Variants in ARHGAP31 observed in about 807,000 individuals in gnomAD.
ARHGAP31 encodes Rho GTPase activating protein 31, also known as rho GTPase-activating protein 31.
A neutral mutation model predicts 113.9 loss-of-function variants in ARHGAP31; 34 were observed. The observed-to-expected ratio is 0.30, with a 90% CI of 0.23 to 0.40. ARHGAP31 has a LOEUF of 0.40. ARHGAP31 is among the 10% of genes least tolerant of loss of function. ARHGAP31 has a pLI of 1.00. For missense variants in ARHGAP31, 1,548 were observed against 1,767.1 expected, an observed-to-expected ratio of 0.88 and a Z score of 2.22; for synonymous variants, 650 against 684.8, an observed-to-expected ratio of 0.95 and a Z score of 0.79.
At chr3:119,363,620 G>T (rs1255274294) in intron 1 of ARHGAP31, among the ~76,000 whole-genome samples, 1 of 152,120 alleles carries the variant, frequency 6.6e-6, no homozygotes, top group East Asian at 1.9e-4. Context: ...AGGCCACAAG[G>T]GAAAGGAATG....
chr3:119,344,307 G>A (rs367673662), intron 1 of ARHGAP31, among the ~76,000 whole-genome samples: 2 of 152,214 alleles, frequency 1.3e-5, no homozygotes, highest in East Asian at 1.9e-4. Context: ...CATTTTCCCC[G>A]TGTTTCCGTC....
At position 119,311,405 on chromosome 3, in the gene ARHGAP31, G is replaced by A. The variant is rs564671605; in HGVS notation, c.100+16401G>A. ...CATTGTCTTCCTCTGTCTGATCTGC[G>A]TCTCTCTTATGAAGTGATTACATTA... On this transcript the variant is annotated intron_variant, in intron 1 of 11. Transcript: ENST00000264245. Among the ~76,000 whole-genome samples, 6 of 152,110 alleles carry A rather than the reference G, an allele frequency of 3.9e-5. No individual in the cohort carries two copies. The East Asian group carries it at 5.8e-4, about 15-fold the overall frequency.
chr3:119,327,006 T>C (rs2079850063), intron 1 of ARHGAP31, among the ~76,000 whole-genome samples: 1 of 152,014 alleles, frequency 6.6e-6, no homozygotes, highest in South Asian at 2.1e-4. Flanking sequence ...CCAGGCATGG[T>C]GGCACGCGCC....
chr3:119,406,500 C>G (rs976239253), intron 10 of ARHGAP31, among the ~76,000 whole-genome samples: 1 of 152,186 alleles, frequency 6.6e-6, no homozygotes, highest in Non-Finnish European at 1.5e-5. Context: ...CCCAAATGCC[C>G]CGCTTTAGGG....
At chr3:119,322,741 G>C (rs547454309) in intron 1 of ARHGAP31, 2 of 153,018 alleles carry the variant, frequency 1.3e-5, no homozygotes, top group Admixed American at 1.3e-4. Context: ...CCCCTCGAGC[G>C]CCCCTCTAGG....
At chr3:119,337,579 C>T (rs2107610943) in intron 1 of ARHGAP31, among the ~76,000 whole-genome samples, 1 of 152,330 alleles carries the variant, frequency 6.6e-6, no homozygotes, top group Non-Finnish European at 1.5e-5. Flanking sequence ...CCACATCCTG[C>T]TGATTGGTCC....
At chr3:119,406,849 A>G (rs1428192164) in intron 10 of ARHGAP31, among the ~76,000 whole-genome samples, 1 of 152,222 alleles carries the variant, frequency 6.6e-6, no homozygotes, top group Non-Finnish European at 1.5e-5. Flanking sequence ...CATTCTACAT[A>G]GTGCTTCTTA....
Position 119,359,435 on chromosome 3 carries a change from G to A in ARHGAP31, c.101-5881G>A, listed in dbSNP as rs528362439. 1.0e-3 allele frequency among the ~76,000 whole-genome samples: 153 copies of A among 151,716 alleles called. 1 individual carries two copies. The highest frequency in any genetic ancestry group is 6.8e-3 in the Middle Eastern group (2 of 294). On this transcript the variant is annotated intron_variant, in intron 1 of 11. Transcript: ENST00000264245. The stretch of plus-strand genomic sequence containing the variant: ...ATTTTTTTTCTTAGAAAATTAGAAA[G>A]TGGTTCATTTGTTTTTTTTTTTAAA...
At chr3:119,373,245 A>C (rs1428499334) in intron 3 of ARHGAP31, among the ~76,000 whole-genome samples, 1 of 152,230 alleles carries the variant, frequency 6.6e-6, no homozygotes, top group Admixed American at 6.5e-5. Context: ...TAAGGAAGCT[A>C]TCAATAAAAA....
chr3:119,347,755 A>G lies in ARHGAP31; in HGVS notation c.101-17561A>G, dbSNP rs138178444. 3.6e-3 allele frequency among the ~76,000 whole-genome samples: 547 copies of G among 152,292 alleles called. 6 individuals carry two copies. The highest frequency in any genetic ancestry group is 0.012 in the African/African-American group (518 of 41,550). ...TTAGAATATGAGCCTTACCTTGTGA[A>G]AGCTCACTATCCCTGGGCTACTCTT... On this transcript the variant is annotated intron_variant, in intron 1 of 11. Transcript: ENST00000264245.
chr3:119,409,572 A>C lies in ARHGAP31; in HGVS notation c.1722A>C (p.Lys574Asn). ...CACCGGGGACAGTGGAATGCAGCAA[A>C]GGCCTGTCCCAGGAGCCAGGCGCCC... The part of the protein sequence containing the change: ...PEAPGTVECS[K>N]GLSQEPGAHL... The change falls in exon 11 of 12, where the codon AAA (lysine) becomes AAC (asparagine). Residue 574 changes from lysine to asparagine, a missense_variant. By Grantham distance (94) the Lys-to-Asn change is moderately conservative (BLOSUM62 0). Transcript: ENST00000264245. The C allele has an allele frequency of 2.5e-6, 4 of 1,614,208 alleles. No individual in the cohort carries two copies. Among genetic ancestry groups the C allele is most frequent in the Non-Finnish European group, 3.4e-6 (4 of 1,180,026 alleles).
rs1456482232 is a variant in ARHGAP31, at chr3:119,391,115, C to T, written c.881+132C>T. On this transcript the variant is annotated intron_variant, in intron 7 of 11. Coordinates refer to ENST00000264245, the MANE Select transcript of ARHGAP31 (RefSeq NM_020754.4). ...CCGTCTGGGTTGGGGTTTAAGGAAA[C>T]ATTCCAGAAGAGAAGGGAGCTGTCT... is the stretch of plus-strand genomic sequence containing the variant. The T allele has an allele frequency of 1.2e-5, 12 of 1,001,244 alleles. No homozygotes were observed. In the East Asian group the frequency reaches 1.3e-4, roughly 11 times the overall value. The allele number at this position is 1,001,244 out of a possible 1,614,324, so 62.0% of individuals were successfully genotyped here. A position where few individuals can be genotyped will look rare whatever the true frequency, so the allele number is the denominator to read the frequency against.
chr3:119,368,581 A>C, intron 3 of ARHGAP31, 65 bp downstream of exon 3: 1 of 1,582,010 alleles, frequency 6.3e-7, no homozygotes, highest in South Asian at 1.1e-5. Flanking sequence ...GAAGAGTTTC[A>C]GCACTAAAAT....
intron 1 of ARHGAP31, among the ~76,000 whole-genome samples, chr3:119,350,044 CTTTATT>C (rs1438453902): frequency 6.6e-6 from 1 of 152,098 alleles, no homozygotes; most frequent in East Asian, 1.9e-4. Context: ...TTTTGCTCAT[CTTTATT>C]TTTAACTTGC....
chr3:119,353,275 G>A (rs1401208879), intron 1 of ARHGAP31, among the ~76,000 whole-genome samples: 1 of 152,102 alleles, frequency 6.6e-6, no homozygotes, highest in Non-Finnish European at 1.5e-5. Context: ...TCCTGTTCTT[G>A]TTCAACATCT....
At chr3:119,398,602 A>G (rs1194731933) in intron 8 of ARHGAP31, among the ~76,000 whole-genome samples, 1 of 152,260 alleles carries the variant, frequency 6.6e-6, no homozygotes, top group Non-Finnish European at 1.5e-5. Flanking sequence ...ACAAAGATGC[A>G]TGGTGCATAC....
At chr3:119,394,488 A>C (rs1433041586) in intron 8 of ARHGAP31, among the ~76,000 whole-genome samples, 1 of 152,188 alleles carries the variant, frequency 6.6e-6, no homozygotes, top group Admixed American at 6.5e-5. Context: ...GCAGCTGAAT[A>C]TTATGTCAGG....
intron 1 of ARHGAP31, among the ~76,000 whole-genome samples, chr3:119,307,954 A>AAAAAAAAAAAAAAAAAAAAAAAAAAAAAC (rs2079645315): frequency 1.3e-5 from 2 of 149,146 alleles, no homozygotes; most frequent in Non-Finnish European, 1.5e-5. Flanking sequence ...AAAAAAAAAA[A>AAAAAAAAAAAAAAAAAAAAAAAAAAAAAC]AAAAAAGCTC....
At chr3:119,350,766 G>A (rs774303725) in intron 1 of ARHGAP31, among the ~76,000 whole-genome samples, 4 of 152,152 alleles carry the variant, frequency 2.6e-5, no homozygotes, top group Non-Finnish European at 2.9e-5. Context: ...AGAAATTTCC[G>A]TTTATATGGG....
Sources: allele counts gnomAD v4.1 joint callset (sites outside exome capture counted in the v4.1 genomes callset), GRCh38; gene constraint gnomAD v4.1.1; transcripts MANE v1.5; gene names NCBI Gene and HGNC (gene_info 2026-07-23, HGNC 2026-07-21).